Variants in HMGCLL1 observed in about 807,000 individuals in gnomAD.
HMGCLL1 encodes 3-hydroxymethyl-3-methylglutaryl-CoA lyase, cytoplasmic.
In HMGCLL1, 36 loss-of-function variants were observed where a neutral mutation model predicts 39.1. The observed-to-expected ratio is 0.92, with a 90% CI of 0.71 to 1.22. The LOEUF is 1.22. HMGCLL1 is among the 50% of genes most tolerant of loss of function. The probability of loss-of-function intolerance (pLI) is 0.00; values close to 1 mark genes in which losing one functional copy is unlikely to be tolerated. For missense variants in HMGCLL1, 451 were observed against 416.5 expected, an observed-to-expected ratio of 1.08 and a Z score of -0.72; for synonymous variants, 149 against 144.0, an observed-to-expected ratio of 1.03 and a Z score of -0.25.
At chr6:55,590,275 C>G in the HMGCLL1 span, among the ~76,000 whole-genome samples, 15 of 149,620 alleles carry the variant, frequency 1.0e-4, no homozygotes, top group Non-Finnish European at 7.4e-5. Flanking sequence ...TGATCTTTGA[C>G]AAACCTAATA....
the HMGCLL1 span, among the ~76,000 whole-genome samples, chr6:55,609,197 C>G: frequency 6.6e-6 from 1 of 152,184 alleles, no homozygotes; most frequent in Non-Finnish European, 1.5e-5. Flanking sequence ...GCAGCCATCA[C>G]CACTGCTGCT....
At chr6:55,514,888 T>C (rs1336080871) in intron 4 of HMGCLL1, among the ~76,000 whole-genome samples, 3 of 152,158 alleles carry the variant, frequency 2.0e-5, no homozygotes, top group Non-Finnish European at 4.4e-5. Context: ...TTCAGCTGGA[T>C]GTTTAAGACC....
chr6:55,519,812 G>T (rs185089732), intron 3 of HMGCLL1, among the ~76,000 whole-genome samples: 6 of 152,034 alleles, frequency 3.9e-5, no homozygotes, highest in African/African-American at 1.4e-4. Flanking sequence ...ATAGAGATTG[G>T]CAGTATATCA....
intron 7 of HMGCLL1, among the ~76,000 whole-genome samples, chr6:55,441,991 G>T (rs1005835483): frequency 6.6e-6 from 1 of 152,012 alleles, no homozygotes; most frequent in Non-Finnish European, 1.5e-5. Flanking sequence ...CCTTCAACTT[G>T]GGTTTGTCTA....
chr6:55,553,050 G>A (rs889301462), intron 1 of HMGCLL1, among the ~76,000 whole-genome samples: 1 of 150,834 alleles, frequency 6.6e-6, no homozygotes, highest in Admixed American at 6.6e-5. Flanking sequence ...GGCTTAGGCA[G>A]GAGAATCACT....
In HMGCLL1 at chr6:55,491,482, A is replaced by C. The variant is rs149507945; in HGVS notation, c.795+3937T>G. Among the ~76,000 whole-genome samples, 86 of 152,332 alleles carry C rather than the reference A, an allele frequency of 5.6e-4. No individual in the cohort carries two copies. In the East Asian group the frequency reaches 0.016, roughly 29 times the overall value. On this transcript the variant is annotated intron_variant, in intron 7 of 8. Coordinates refer to ENST00000274901, the MANE Select transcript of HMGCLL1 (RefSeq NM_001042406.2). Reference sequence around the variant, plus strand: ...AGGCACATTAAAGTTTATTAAGCTTAAGAGAAAAAAGGGCACATAGTACTT... The same window carrying C: ...AGGCACATTAAAGTTTATTAAGCTTCAGAGAAAAAAGGGCACATAGTACTT...
At chr6:55,588,994 C>T in the HMGCLL1 span, among the ~76,000 whole-genome samples, 1 of 152,166 alleles carries the variant, frequency 6.6e-6, no homozygotes, top group Non-Finnish European at 1.5e-5. Context: ...TGAGCTGTAC[C>T]ATTCCTTCTG....
At chr6:55,500,834 C>A (rs909273271) in intron 5 of HMGCLL1, among the ~76,000 whole-genome samples, 12 of 151,848 alleles carry the variant, frequency 7.9e-5, no homozygotes, top group Admixed American at 3.9e-4. Flanking sequence ...GTAATGATTA[C>A]AATAACATGC....
At chr6:55,567,074 A>G (rs1771253490) in intron 1 of HMGCLL1, among the ~76,000 whole-genome samples, 1 of 152,110 alleles carries the variant, frequency 6.6e-6, no homozygotes, top group African/African-American at 2.4e-5. Context: ...AGACCTCAAC[A>G]TACCAGTGCT....
chr6:55,583,602 A>T (rs1483051212), upstream of HMGCLL1, among the ~76,000 whole-genome samples: 2 of 152,124 alleles, frequency 1.3e-5, no homozygotes, highest in South Asian at 2.1e-4. Context: ...TCATTGTTGG[A>T]CATTTGGGTT....
chr6:55,572,018 T>C (rs918361543), intron 1 of HMGCLL1, among the ~76,000 whole-genome samples: 3 of 133,928 alleles, frequency 2.2e-5, no homozygotes, highest in South Asian at 2.9e-4. Flanking sequence ...AAAATGCTAA[T>C]GTAGAAAAAG....
the HMGCLL1 span, among the ~76,000 whole-genome samples, chr6:55,673,264 G>A: frequency 1.3e-5 from 2 of 151,948 alleles, no homozygotes; most frequent in Non-Finnish European, 2.9e-5. Context: ...GCTATACTTA[G>A]CCTATTGGTA....
At chr6:55,504,060 A>G (rs1561922549) in intron 5 of HMGCLL1, among the ~76,000 whole-genome samples, 1 of 151,754 alleles carries the variant, frequency 6.6e-6, no homozygotes, top group Non-Finnish European at 1.5e-5. Context: ...GCTATTTTCT[A>G]CTGAATAAAC....
rs567966861 is a variant in HMGCLL1, at chr6:55,487,876, T to C, written c.795+7543A>G. On this transcript the variant is annotated intron_variant, in intron 7 of 8. Transcript: ENST00000274901. Reference sequence around the variant, plus strand: ...AACAAGAAATACTTCACCCCAGGTTTGCTTCCAAGTATCTCCTCTGGGTTA... The same window carrying C: ...AACAAGAAATACTTCACCCCAGGTTCGCTTCCAAGTATCTCCTCTGGGTTA... 2.0e-5 allele frequency among the ~76,000 whole-genome samples: 3 copies of C among 152,208 alleles called. No individual in the cohort carries two copies. In the East Asian group the frequency reaches 5.8e-4, roughly 29 times the overall value.
At chr6:55,538,278 CT>C (rs1769143242) in intron 3 of HMGCLL1, among the ~76,000 whole-genome samples, 1 of 152,122 alleles carries the variant, frequency 6.6e-6, no homozygotes, top group Non-Finnish European at 1.5e-5. Context: ...TGAAATATAA[CT>C]TTAGTTGGTC....
chr6:55,618,011 C>T, the HMGCLL1 span, among the ~76,000 whole-genome samples: 10 of 151,748 alleles, frequency 6.6e-5, no homozygotes, highest in South Asian at 2.1e-4. Context: ...GAAGCAAGTT[C>T]GAAATAATGC....
At chr6:55,516,665 T>G (rs1236424872) in intron 3 of HMGCLL1, 62 bp from the exon 4 acceptor site, 1 of 1,102,080 alleles carries the variant, frequency 9.1e-7, no homozygotes, top group Admixed American at 1.7e-5. Flanking sequence ...AGAATCATTT[T>G]AGTTTCAGGT....
the HMGCLL1 span, among the ~76,000 whole-genome samples, chr6:55,647,754 T>TA: frequency 1.0e-3 from 133 of 127,028 alleles, no homozygotes; most frequent in African/African-American, 4.0e-3. Context: ...CCTTTTTTTT[T>TA]TTTTATTTTA....
chr6:55,650,345 C>T, the HMGCLL1 span, among the ~76,000 whole-genome samples: 34 of 151,426 alleles, frequency 2.2e-4, no homozygotes, highest in Middle Eastern at 3.4e-3. Context: ...TCCAGGTGTT[C>T]GAAGGGACTT....
Sources: allele counts gnomAD v4.1 joint callset (sites outside exome capture counted in the v4.1 genomes callset), GRCh38; gene constraint gnomAD v4.1.1; transcripts MANE v1.5; gene names NCBI Gene and HGNC (gene_info 2026-07-23, HGNC 2026-07-21).